Variants in VPS13C observed in about 807,000 individuals in gnomAD.
The protein encoded by VPS13C is intermembrane lipid transfer protein VPS13C.
VPS13C carries 358 observed loss-of-function variants against 456.8 expected under a neutral mutation model. That is an observed-to-expected ratio of 0.78 (90% CI 0.72 to 0.86). VPS13C has a LOEUF of 0.86. Ranked by LOEUF, VPS13C falls within the 40% of genes least tolerant of loss-of-function variation. VPS13C has a pLI of 0.00. For synonymous variants in VPS13C, 1,578 were observed against 1,486.7 expected (o/e 1.06, Z -1.41); for missense variants, 4,818 against 4,385.4 (o/e 1.10, Z -2.79).
chr15:62,006,510 G>A (rs902084774), intron 15 of VPS13C, among the ~76,000 whole-genome samples: 1 of 152,132 alleles, frequency 6.6e-6, no homozygotes, highest in Non-Finnish European at 1.5e-5. Flanking sequence ...ATCGTTGTTG[G>A]ACATTTGGAT....
chr15:61,933,173 TACAA>T (rs2044118395), intron 49 of VPS13C, among the ~76,000 whole-genome samples: 1 of 152,092 alleles, frequency 6.6e-6, no homozygotes, highest in African/African-American at 2.4e-5. Flanking sequence ...AAGGAAGGCA[TACAA>T]ACAATGAAAC....
chr15:61,922,382 G>A lies in VPS13C; in HGVS notation c.6975+15C>T, dbSNP rs915631873. 6.9e-6 allele frequency: 11 copies of A among 1,598,246 alleles called. No homozygotes were observed. Among genetic ancestry groups the A allele is most frequent in the Non-Finnish European group, 9.4e-6 (11 of 1,173,728 alleles). The stretch of plus-strand genomic sequence containing the variant: ...TTCAAGAAGTCTCTGAAGGTATTAA[G>A]TGATGTGGCCATACCTGTAGTGTCA... On this transcript the variant is annotated intron_variant, in intron 54 of 84. Transcript: ENST00000644861.
intron 36 of VPS13C, 97 bp downstream of exon 36, chr15:61,959,351 T>C: frequency 1.8e-6 from 2 of 1,094,610 alleles, no homozygotes; most frequent in Non-Finnish European, 2.5e-6. Context: ...TCTTATACTA[T>C]TCAGCAAAAG....
chr15:61,931,881 C>T (rs1214810320), intron 49 of VPS13C, among the ~76,000 whole-genome samples: 1 of 152,004 alleles, frequency 6.6e-6, no homozygotes, highest in South Asian at 2.1e-4. Context: ...CGCCCCGCCT[C>T]TAATAATAAA....
At chr15:61,913,251 T>C in intron 62 of VPS13C, 60 bp downstream of exon 62, 2 of 1,469,190 alleles carry the variant, frequency 1.4e-6, no homozygotes, top group South Asian at 1.1e-5. Flanking sequence ...TTCCAACTTG[T>C]TTGTTGAACT....
chr15:61,875,696 C>T, intron 76 of VPS13C, 36 bp downstream of exon 76: 1 of 1,478,340 alleles, frequency 6.8e-7, no homozygotes, highest in Non-Finnish European at 9.4e-7. Context: ...ATCCATTTTT[C>T]TGTACCTATC....
chr15:62,015,462 T>G (rs1049115272), intron 9 of VPS13C, among the ~76,000 whole-genome samples: 60 of 151,880 alleles, frequency 4.0e-4, no homozygotes, highest in Non-Finnish European at 7.1e-4. Context: ...TGCCTAGGTT[T>G]TCTTCTAGGG....
Position 61,984,013 on chromosome 15 carries a change from C to A in VPS13C, c.1722-1G>T. On this transcript the variant is annotated splice_acceptor_variant, in intron 19 of 84. Transcript: ENST00000644861. LOFTEE classifies it high-confidence loss of function. ...CCAGTGTTCTAATTTCGCTTCTACC[C>A]TATAATCCAATGAAGAACAAGGAAA... is the stretch of plus-strand genomic sequence containing the variant. 1 of 1,608,744 alleles carries A rather than the reference C, an allele frequency of 6.2e-7. No individual in the cohort carries two copies. The highest frequency in any genetic ancestry group is 8.5e-7 in the Non-Finnish European group (1 of 1,177,118).
chr15:62,013,186 T>G, intron 10 of VPS13C, 67 bp from the exon 11 acceptor site: 1 of 1,228,078 alleles, frequency 8.1e-7, no homozygotes, highest in Non-Finnish European at 1.1e-6. Context: ...TATTAAAAGA[T>G]TATTCTCATG....
intron 12 of VPS13C, among the ~76,000 whole-genome samples, chr15:62,011,358 G>T (rs148317820): frequency 1.3e-3 from 195 of 152,110 alleles, no homozygotes; most frequent in Admixed American, 2.5e-3. Flanking sequence ...TACCATTAAT[G>T]AACCTAAATG....
intron 61 of VPS13C, among the ~76,000 whole-genome samples, chr15:61,914,468 T>G (rs773795006): frequency 6.6e-6 from 1 of 151,588 alleles, no homozygotes; most frequent in Non-Finnish European, 1.5e-5. Context: ...ACTTGGGAGG[T>G]TGAGGCAGGA....
chr15:61,920,372 CA>C, intron 56 of VPS13C, 41 bp from the exon 57 acceptor site: 1 of 1,526,624 alleles, frequency 6.6e-7, no homozygotes, highest in Non-Finnish European at 8.8e-7. Flanking sequence ...TTTTGAAAAA[CA>C]TACATTCTTC....
intron 19 of VPS13C, 84 bp from the exon 20 acceptor site, chr15:61,984,096 A>G (rs1316095581): frequency 2.6e-5 from 34 of 1,329,806 alleles, no homozygotes; most frequent in Non-Finnish European, 3.4e-5. Flanking sequence ...CCTTTTAAAA[A>G]CGTCTTTGAG....
intron 14 of VPS13C, among the ~76,000 whole-genome samples, chr15:62,008,386 A>C (rs1274079136): frequency 6.6e-6 from 1 of 152,046 alleles, no homozygotes; most frequent in Non-Finnish European, 1.5e-5. Flanking sequence ...GGGACACAGC[A>C]AGATTCTATC....
chr15:62,045,979 A>G (rs2048388141), intron 1 of VPS13C, among the ~76,000 whole-genome samples: 1 of 152,204 alleles, frequency 6.6e-6, no homozygotes, highest in African/African-American at 2.4e-5. Context: ...CATTCCACAC[A>G]TACATAGAAA....
rs990582757 is a variant in VPS13C at position 62,051,549 on chromosome 15, T to C, written c.101-7294A>G. Among the ~76,000 whole-genome samples the C allele has an allele frequency of 3.3e-5, 5 of 152,236 alleles. No homozygotes were observed. The South Asian group carries it at 6.2e-4, about 19-fold the overall frequency. On this transcript the variant is annotated intron_variant, in intron 1 of 84. Coordinates refer to ENST00000644861, the MANE Select transcript of VPS13C (RefSeq NM_020821.3). ...CACTGTTCTCCCGAATAGCAGAGCA[T>C]AAAGCGTATAGGATTTTAATTCAGA...
chr15:62,016,335 G>C (rs370744349), intron 9 of VPS13C, among the ~76,000 whole-genome samples: 47 of 151,566 alleles, frequency 3.1e-4, no homozygotes, highest in African/African-American at 1.1e-3. Flanking sequence ...GATTAGTTAC[G>C]TATGTATACA....
chr15:61,977,365 G>GT (rs1438964315), intron 23 of VPS13C, among the ~76,000 whole-genome samples, 166 bp from the exon 24 acceptor site: 15 of 152,004 alleles, frequency 9.9e-5, no homozygotes, highest in South Asian at 4.1e-4. Context: ...TTCTTTCAGC[G>GT]TATCAGTTAA....
intron 78 of VPS13C, among the ~76,000 whole-genome samples, chr15:61,872,947 G>A (rs1303236475): frequency 6.6e-6 from 1 of 151,986 alleles, no homozygotes; most frequent in Non-Finnish European, 1.5e-5. Context: ...GACCTGCAGA[G>A]CTCCTTCTCC....
Sources: gnomAD v4.1 joint callset for allele counts (sites outside exome capture counted in the v4.1 genomes callset) on GRCh38, gnomAD v4.1.1 for gene constraint, MANE v1.5 for transcripts, NCBI Gene and HGNC (gene_info 2026-07-23, HGNC 2026-07-21) for gene names.